Variants in ARHGAP11A observed in about 807,000 individuals in gnomAD.
The protein encoded by ARHGAP11A is Rho GTPase activating protein 11A.
In ARHGAP11A, 36 loss-of-function variants were observed where a neutral mutation model predicts 60.5. The observed-to-expected ratio is 0.59, with a 90% CI of 0.46 to 0.79. The LOEUF is 0.79. ARHGAP11A is among the 30% of genes least tolerant of loss of function. The pLI is 0.00. For missense variants in ARHGAP11A, 1,071 were observed against 1,199.2 expected, an observed-to-expected ratio of 0.89 and a Z score of 1.58; for synonymous variants, 362 against 415.5, an observed-to-expected ratio of 0.87 and a Z score of 1.57.
At chr15:32,616,464 A>T (rs1051584729) in intron 1 of ARHGAP11A, 124 bp downstream of exon 1, 3 of 1,410,990 alleles carry the variant, frequency 2.1e-6, no homozygotes, top group Non-Finnish European at 2.8e-6. Context: ...TGTGTAATTC[A>T]GTTCAGATGG....
chr15:32,634,938 G>A (rs917776592), intron 10 of ARHGAP11A, among the ~76,000 whole-genome samples: 1 of 152,186 alleles, frequency 6.6e-6, no homozygotes, highest in African/African-American at 2.4e-5. Flanking sequence ...GATTACTCTA[G>A]TAAACTCCTG....
rs535462568 is a variant in ARHGAP11A at position 32,620,255 on chromosome 15, T to C, written c.200+77T>C. On this transcript the variant is annotated intron_variant, in intron 2 of 11. Coordinates refer to ENST00000361627, the MANE Select transcript of ARHGAP11A (RefSeq NM_014783.6). ...ACCCCAGCATTTTGAGAGGCCGAGG[T>C]GGGCAAATCACTTGAGTCCAGGAGC... 80 of 1,609,400 alleles carry C rather than the reference T, an allele frequency of 5.0e-5. No individual in the cohort carries two copies. In the African/African-American group the frequency reaches 9.9e-4, roughly 20 times the overall value.
chr15:32,619,767 A>T (rs2053250866), intron 1 of ARHGAP11A, among the ~76,000 whole-genome samples: 1 of 152,140 alleles, frequency 6.6e-6, no homozygotes, highest in Admixed American at 6.5e-5. Context: ...TTTTGGGGTA[A>T]ATGTTAGTGT....
intron 2 of ARHGAP11A, 85 bp from the exon 3 acceptor site, chr15:32,623,407 G>A (rs890422358): frequency 3.7e-5 from 47 of 1,284,212 alleles, no homozygotes; most frequent in Non-Finnish European, 4.6e-5. Flanking sequence ...TGAAAGGTAC[G>A]TAGTGCTTGG....
In ARHGAP11A at chr15:32,633,982, GA is replaced by G; in HGVS notation, c.1289del (p.Lys430ArgfsTer8). ...GCFSPKISHK[E>X]KVRRSLRLKF... is the part of the protein sequence containing the mutation. ...CTTTTCTCCTAAAATCAGCCATAAA[GA>G]AAAGGTTCGAAGATCTCTGCGTTTG... is the stretch of plus-strand genomic sequence containing the variant. On this transcript the variant is annotated frameshift_variant, in exon 10 of 12. Coordinates refer to ENST00000361627, the MANE Select transcript of ARHGAP11A (RefSeq NM_014783.6). LOFTEE classifies it high-confidence loss of function. The G allele has an allele frequency of 6.2e-7, 1 of 1,607,926 alleles. No homozygotes were observed. The highest frequency in any genetic ancestry group is 8.5e-7 in the Non-Finnish European group (1 of 1,178,402).
rs2053745549 is a variant in ARHGAP11A, at chr15:32,637,384, G to A, written c.2611G>A (p.Val871Ile). Residue 871 changes from valine (V) to isoleucine (I), a missense_variant, in exon 12 of 12, where the codon GTC becomes ATC. Physicochemically the swap from Val to Ile is conservative, Grantham distance 29 (BLOSUM62 3). Coordinates refer to ENST00000361627, the MANE Select transcript of ARHGAP11A (RefSeq NM_014783.6). ...TCTTGGTGATACAGCTTCTCCTTTG[G>A]TCAAATCAGTGAGCTGTGACGGTGC... ...ASLGDTASPLVKSVSCDGALS... is the reference protein window; with the variant it reads ...ASLGDTASPLIKSVSCDGALS... 6.2e-7 allele frequency: 1 copy of A among 1,614,180 alleles called. No homozygotes were observed. The highest frequency in any genetic ancestry group is 2.2e-5 in the East Asian group (1 of 44,886).
intron 6 of ARHGAP11A, among the ~76,000 whole-genome samples, chr15:32,626,183 A>G (rs952704649): frequency 2.3e-4 from 35 of 151,098 alleles, no homozygotes; most frequent in Non-Finnish European, 4.1e-4. Context: ...TGATTTAAAA[A>G]TTTTAGAAAA....
Position 32,637,899 on chromosome 15 carries a change from C to A in ARHGAP11A, c.*54C>A. ...TAAATAAAGTGAGTAATTGGTATGA[C>A]TTGCAGGATGATGTACATGTTAGTT... is the stretch of plus-strand genomic sequence containing the variant. On this transcript the variant is annotated 3_prime_UTR_variant, in exon 12 of 12. Coordinates refer to ENST00000361627, the MANE Select transcript of ARHGAP11A (RefSeq NM_014783.6). 7.1e-7 allele frequency: 1 copy of A among 1,400,708 alleles called. No homozygotes were observed. Among genetic ancestry groups the A allele is most frequent in the Non-Finnish European group, 9.6e-7 (1 of 1,036,548 alleles). 86.8% of individuals were successfully genotyped at this position (1,400,708 alleles called of 1,614,324 possible).
In ARHGAP11A at chr15:32,636,475, C is replaced by T. The variant is rs763168810; in HGVS notation, c.1702C>T (p.Pro568Ser). 6.2e-7 allele frequency: 1 copy of T among 1,613,822 alleles called. No individual in the cohort carries two copies. Among genetic ancestry groups the T allele is most frequent in the Admixed American group, 1.7e-5 (1 of 59,982 alleles). ...KSPATSCELTPSNLNNKHNSN... is the reference protein window; with the variant it reads ...KSPATSCELTSSNLNNKHNSN... Reference sequence around the variant, plus strand: ...ACCTGCTACTTCATGTGAACTCACCCCTTCCAATTTAAACAATAAGCATAA... The same window carrying T: ...ACCTGCTACTTCATGTGAACTCACCTCTTCCAATTTAAACAATAAGCATAA... The change falls in exon 12 of 12, where the codon CCT becomes TCT. Residue 568 changes from proline (P) to serine (S), a missense_variant. Around this residue, in one of 4 missense-constraint regions of ARHGAP11A, gnomAD observed 776 missense variants for 760.2 expected, o/e 1.02. Coordinates refer to ENST00000361627, the MANE Select transcript of ARHGAP11A (RefSeq NM_014783.6).
rs535727653 is a variant in ARHGAP11A, at chr15:32,633,781, G to T, written c.1236-152G>T. ...TGCAAATGCAGTGTGTTCATGTATG[G>T]TATCTTAAAGTTGAACTGTTTTTAA... is the stretch of plus-strand genomic sequence containing the variant. On this transcript the variant is annotated intron_variant, in intron 9 of 11. Coordinates refer to ENST00000361627, the MANE Select transcript of ARHGAP11A (RefSeq NM_014783.6). 8.8e-5 allele frequency: 50 copies of T among 568,434 alleles called. No individual in the cohort carries two copies. The South Asian group carries it at 1.1e-3, about 13-fold the overall frequency. 35.2% of individuals were successfully genotyped at this position (568,434 alleles called of 1,614,324 possible).
At position 32,633,918 on chromosome 15, in the gene ARHGAP11A, T is replaced by C; in HGVS notation, c.1236-15T>C. On this transcript the variant is annotated splice_polypyrimidine_tract_variant and intron_variant, in intron 9 of 11. Transcript: ENST00000361627. Reference sequence around the variant, plus strand: ...TTATACTATAAACTGACATTTTTAATTCCACTTCTTCTAGAGTGGAATCAG... The same window carrying C: ...TTATACTATAAACTGACATTTTTAACTCCACTTCTTCTAGAGTGGAATCAG... 1.9e-6 allele frequency: 3 copies of C among 1,539,946 alleles called. No individual in the cohort carries two copies. Among genetic ancestry groups the C allele is most frequent in the Non-Finnish European group, 2.6e-6 (3 of 1,134,526 alleles).
At chr15:32,618,717 C>T (rs1485527141) in intron 1 of ARHGAP11A, among the ~76,000 whole-genome samples, 2 of 151,106 alleles carry the variant, frequency 1.3e-5, no homozygotes, top group Non-Finnish European at 2.9e-5. Flanking sequence ...GGGTGGATAA[C>T]GAGGTCAGGA....
At position 32,637,361 on chromosome 15, in the gene ARHGAP11A, T is replaced by TTGG; in HGVS notation, c.2591_2593dup (p.Gly864dup). 6.2e-7 allele frequency: 1 copy of TTGG among 1,614,182 alleles called. No homozygotes were observed. The highest frequency in any genetic ancestry group is 8.5e-7 in the Non-Finnish European group (1 of 1,180,016). ...CCTACAGGGCATAAGTTGGCGAGTCTTGGTGATACAGCTTCTCCTTTGGTC... is the reference window on the plus strand; with the variant it reads ...CCTACAGGGCATAAGTTGGCGAGTCTTGGTGGTGATACAGCTTCTCCTTTGGTC... On this transcript the variant is annotated inframe_insertion, in exon 12 of 12. Transcript: ENST00000361627.
In ARHGAP11A at chr15:32,628,179, G is replaced by A. The variant is rs551951058; in HGVS notation, c.863-549G>A. Among the ~76,000 whole-genome samples, 570 of 152,268 alleles carry A rather than the reference G, an allele frequency of 3.7e-3. 3 individuals carry two copies. The highest frequency in any genetic ancestry group is 0.013 in the African/African-American group (534 of 41,536). On this transcript the variant is annotated intron_variant, in intron 6 of 11. Coordinates refer to ENST00000361627, the MANE Select transcript of ARHGAP11A (RefSeq NM_014783.6). ...CACATACCCTTCAGAAATTTTAATTGGTAATAGGGATATTTATAGCTTGGC... is the reference window on the plus strand; with the variant it reads ...CACATACCCTTCAGAAATTTTAATTAGTAATAGGGATATTTATAGCTTGGC...
chr15:32,637,904 A>T lies in ARHGAP11A; in HGVS notation c.*59A>T. ...AAAGTGAGTAATTGGTATGACTTGC[A>T]GGATGATGTACATGTTAGTTTGTAG... is the stretch of plus-strand genomic sequence containing the variant. On this transcript the variant is annotated 3_prime_UTR_variant, in exon 12 of 12. Transcript: ENST00000361627. 1 of 1,363,510 alleles carries T rather than the reference A, an allele frequency of 7.3e-7. No individual in the cohort carries two copies. Among genetic ancestry groups the T allele is most frequent in the Non-Finnish European group, 9.9e-7 (1 of 1,005,708 alleles). 84.5% of individuals were successfully genotyped at this position (1,363,510 alleles called of 1,614,324 possible). A position where few individuals can be genotyped will look rare whatever the true frequency, so the allele number is the denominator to read the frequency against.
chr15:32,629,006 A>G (rs1157681138), intron 7 of ARHGAP11A, among the ~76,000 whole-genome samples: 2 of 152,166 alleles, frequency 1.3e-5, no homozygotes, highest in East Asian at 3.8e-4. Context: ...AATTGTAGGC[A>G]AAAATTTTTT....
chr15:32,619,113 C>A (rs1287296880), intron 1 of ARHGAP11A, among the ~76,000 whole-genome samples: 1 of 152,146 alleles, frequency 6.6e-6, no homozygotes, highest in African/African-American at 2.4e-5. Context: ...ATTGACAATG[C>A]TGAGTGGTTT....
Position 32,636,916 on chromosome 15 carries a change from C to G in ARHGAP11A, c.2143C>G (p.Gln715Glu), listed in dbSNP as rs766787717. The G allele has an allele frequency of 3.3e-5, 54 of 1,612,920 alleles. No individual in the cohort carries two copies. The highest frequency in any genetic ancestry group is 1.1e-4 in the African/African-American group (8 of 74,830). Residue 715 changes from glutamine to glutamate, a missense_variant, in exon 12 of 12, where the codon CAA (glutamine) becomes GAA (glutamate). Gln to Glu is a conservative substitution (Grantham distance 29). Around this residue, in one of 4 missense-constraint regions of ARHGAP11A, gnomAD observed 776 missense variants for 760.2 expected, o/e 1.02. Transcript: ENST00000361627. The part of the protein sequence containing the change: ...SNMPKDYLSK[Q>E]EFSSDEEIKK... ...TATGCCAAAAGATTATTTAAGCAAGCAAGAATTCTCCAGTGATGAAGAAAT... is the reference window on the plus strand; with the variant it reads ...TATGCCAAAAGATTATTTAAGCAAGGAAGAATTCTCCAGTGATGAAGAAAT...
rs2053765515 is a variant in ARHGAP11A, at chr15:32,637,996, C to A, written c.*151C>A. 1 of 680,358 alleles carries A rather than the reference C, an allele frequency of 1.5e-6. No homozygotes were observed. Among genetic ancestry groups the A allele is most frequent in the Non-Finnish European group, 2.3e-6 (1 of 426,510 alleles). The allele number at this position is 680,358 out of a possible 1,614,324, so 42.1% of individuals were successfully genotyped here. On this transcript the variant is annotated 3_prime_UTR_variant, in exon 12 of 12. Coordinates refer to ENST00000361627, the MANE Select transcript of ARHGAP11A (RefSeq NM_014783.6). ...TGTTTCATTTTTTTCACTGTACAAG[C>A]AACTTAGATTTTTATTTGTACAAAT...
Sources: gnomAD v4.1 joint callset for allele counts (sites outside exome capture counted in the v4.1 genomes callset) on GRCh38, gnomAD v4.1.1 for gene constraint, gnomAD v4.1.1 regional missense constraint, MANE v1.5 for transcripts, NCBI Gene and HGNC (gene_info 2026-07-23, HGNC 2026-07-21) for gene names.